The following DOCK4 variants were observed in gnomAD, a reference collection of about 807,000 sequenced individuals.
The protein encoded by DOCK4 is dedicator of cytokinesis 4.
A neutral mutation model predicts 268.1 loss-of-function variants in DOCK4; 97 were observed. That is an observed-to-expected ratio of 0.36 (90% CI 0.31 to 0.43). The LOEUF (loss-of-function observed/expected upper bound fraction) is 0.43, where lower values mean the gene tolerates loss of function less well. Among genes scored for constraint, DOCK4 ranks in the 20% least tolerant of loss-of-function variants. The pLI, the probability that DOCK4 is intolerant of heterozygous loss-of-function variation, is 1.00. For synonymous variants in DOCK4, 954 were observed against 887.2 expected, an observed-to-expected ratio of 1.08 and a Z score of -1.34; for missense variants, 2,145 against 2,455.7, an observed-to-expected ratio of 0.87 and a Z score of 2.67.
At chr7:112,156,637 G>A (rs544726622) in intron 1 of DOCK4, among the ~76,000 whole-genome samples, 5 of 152,172 alleles carry the variant, frequency 3.3e-5, no homozygotes, top group African/African-American at 4.8e-5. Flanking sequence ...GTAAGGAGGC[G>A]CTACCCAGCA....
chr7:111,992,529 T>C (rs1215343125), intron 5 of DOCK4, among the ~76,000 whole-genome samples: 2 of 152,206 alleles, frequency 1.3e-5, no homozygotes, highest in African/African-American at 4.8e-5. Flanking sequence ...TAGATAATTT[T>C]CTCTTTCCCA....
At position 112,032,317 on chromosome 7, in the gene DOCK4, T is replaced by C. The variant is rs113075489; in HGVS notation, c.38-28186A>G. Among the ~76,000 whole-genome samples the C allele has an allele frequency of 4.7e-3, 714 of 152,348 alleles. 6 individuals are homozygous for C. Among genetic ancestry groups the C allele is most frequent in the African/African-American group, 0.016 (682 of 41,584 alleles). On this transcript the variant is annotated intron_variant, in intron 1 of 52. Transcript: ENST00000428084. ...ATCTTCAACTAAAATGTTTGATAAC[T>C]AATTAAGTATAAGGTGCTGCTTATT...
chr7:111,889,860 C>A (rs938813185), intron 16 of DOCK4, among the ~76,000 whole-genome samples: 1 of 152,162 alleles, frequency 6.6e-6, no homozygotes, highest in African/African-American at 2.4e-5. Context: ...GATTAGGAAG[C>A]CAATAAACCC....
intron 36 of DOCK4, among the ~76,000 whole-genome samples, chr7:111,776,973 T>C (rs555966562): frequency 6.6e-6 from 1 of 152,100 alleles, no homozygotes; most frequent in Non-Finnish European, 1.5e-5. Context: ...TGTGCCACCA[T>C]GACGGGCTAA....
intron 1 of DOCK4, among the ~76,000 whole-genome samples, chr7:112,154,132 C>T (rs945584172): frequency 6.6e-6 from 1 of 151,948 alleles, no homozygotes; most frequent in Non-Finnish European, 1.5e-5. Flanking sequence ...CCACCATGTC[C>T]AGCTCATTTT....
intron 1 of DOCK4, among the ~76,000 whole-genome samples, chr7:112,080,139 AG>A (rs1808450350): frequency 6.6e-6 from 1 of 152,194 alleles, no homozygotes; most frequent in Non-Finnish European, 1.5e-5. Flanking sequence ...TTTACCTATC[AG>A]GTAAATATGG....
intron 1 of DOCK4, among the ~76,000 whole-genome samples, chr7:112,046,009 T>C (rs753950251): frequency 2.0e-5 from 3 of 152,240 alleles, no homozygotes; most frequent in Non-Finnish European, 4.4e-5. Flanking sequence ...TATACAGTCA[T>C]GGCATATGGA....
intron 1 of DOCK4, among the ~76,000 whole-genome samples, chr7:112,114,164 C>T (rs1034454326): frequency 2.6e-5 from 4 of 152,118 alleles, no homozygotes; most frequent in African/African-American, 9.7e-5. Context: ...AATGAGCCAT[C>T]CTGCCTCCTT....
intron 42 of DOCK4, among the ~76,000 whole-genome samples, chr7:111,753,574 G>A (rs1165335485): frequency 6.6e-6 from 1 of 152,138 alleles, no homozygotes; most frequent in Non-Finnish European, 1.5e-5. Flanking sequence ...GAAAAGGTTG[G>A]GTGTATTATT....
intron 1 of DOCK4, among the ~76,000 whole-genome samples, chr7:112,144,420 A>G (rs1815238632): frequency 6.6e-6 from 1 of 152,116 alleles, no homozygotes; most frequent in South Asian, 2.1e-4. Flanking sequence ...CATGGCCCAT[A>G]CTCGGGAACA....
At chr7:111,888,060 A>G (rs941542011) in intron 16 of DOCK4, among the ~76,000 whole-genome samples, 17 of 151,990 alleles carry the variant, frequency 1.1e-4, no homozygotes, top group South Asian at 4.1e-4. Context: ...TCTGTTAAGT[A>G]GCTGGGAAGT....
At chr7:111,804,301 G>A (rs1800510018) in intron 30 of DOCK4, among the ~76,000 whole-genome samples, 2 of 152,176 alleles carry the variant, frequency 1.3e-5, no homozygotes, top group Admixed American at 1.3e-4. Flanking sequence ...AATGAATCTT[G>A]AGGACAATCT....
At chr7:112,033,109 T>A (rs1803430195) in intron 1 of DOCK4, among the ~76,000 whole-genome samples, 1 of 152,208 alleles carries the variant, frequency 6.6e-6, no homozygotes, top group Admixed American at 6.5e-5. Flanking sequence ...ATTTTTATAC[T>A]GCACATATTT....
intron 13 of DOCK4, among the ~76,000 whole-genome samples, chr7:111,914,978 A>G (rs561353343): frequency 7.2e-5 from 11 of 152,220 alleles, no homozygotes; most frequent in Non-Finnish European, 1.6e-4. Flanking sequence ...TTGATGCTCA[A>G]TCAATGCCTG....
In DOCK4 at chr7:112,101,767, T is replaced by C. The variant is rs73715455; in HGVS notation, c.38-97636A>G. Among the ~76,000 whole-genome samples the C allele has an allele frequency of 8.2e-3, 1,253 of 152,288 alleles. 18 individuals carry two copies. Among genetic ancestry groups the C allele is most frequent in the African/African-American group, 0.028 (1,166 of 41,586 alleles). On this transcript the variant is annotated intron_variant, in intron 1 of 52. Coordinates refer to ENST00000428084, the MANE Select transcript of DOCK4 (RefSeq NM_001363540.2). ...AATACCTGCTGACCAACTTTTCTTATAGTCTTTTTTTGCTCGGCCCTTATC... is the reference window on the plus strand; with the variant it reads ...AATACCTGCTGACCAACTTTTCTTACAGTCTTTTTTTGCTCGGCCCTTATC...
chr7:112,011,427 A>T (rs1801290254), intron 1 of DOCK4, among the ~76,000 whole-genome samples: 1 of 152,230 alleles, frequency 6.6e-6, no homozygotes, highest in Non-Finnish European at 1.5e-5. Flanking sequence ...GGGAGAAGAA[A>T]AAATAACATG....
At chr7:111,854,269 G>A (rs552418346) in intron 23 of DOCK4, among the ~76,000 whole-genome samples, 2 of 152,270 alleles carry the variant, frequency 1.3e-5, no homozygotes, top group Non-Finnish European at 2.9e-5. Flanking sequence ...TGACCTAATC[G>A]GTTATGTTAT....
intron 22 of DOCK4, among the ~76,000 whole-genome samples, chr7:111,865,215 A>T (rs1483463783): frequency 6.6e-6 from 1 of 152,218 alleles, no homozygotes; most frequent in Admixed American, 6.5e-5. Context: ...ATGAAATAGA[A>T]AGCTAAGAAC....
intron 26 of DOCK4, among the ~76,000 whole-genome samples, chr7:111,823,036 G>A (rs1292774617): frequency 1.3e-5 from 2 of 152,082 alleles, no homozygotes; most frequent in Non-Finnish European, 2.9e-5. Context: ...ATGAGGATAT[G>A]TGCTAAGTCC....
Sources: gnomAD v4.1 joint callset for allele counts (sites outside exome capture counted in the v4.1 genomes callset) on GRCh38, gnomAD v4.1.1 for gene constraint, MANE v1.5 for transcripts, NCBI Gene and HGNC (gene_info 2026-07-23, HGNC 2026-07-21) for gene names.